The following CNTNAP2 variants were observed in gnomAD, a reference collection of about 807,000 sequenced individuals.
CNTNAP2 encodes the protein contactin-associated protein-like 2.
Under a neutral mutation model 155.2 loss-of-function variants are expected in CNTNAP2, and 98 were observed. The ratio of observed to expected loss-of-function variants is 0.63; its 90% CI spans 0.54 to 0.75. The LOEUF (loss-of-function observed/expected upper bound fraction) is 0.75. Ranked by LOEUF, CNTNAP2 falls within the 30% of genes least tolerant of loss-of-function variation. CNTNAP2 has a pLI of 0.00. For missense variants in CNTNAP2, 1,727 were observed against 1,688.1 expected (o/e 1.02, Z -0.40); for synonymous variants, 651 against 631.2 (o/e 1.03, Z -0.47).
Position 147,734,815 on chromosome 7 carries a change from T to C in CNTNAP2, c.2098+95509T>C, listed in dbSNP as rs544051242. Among the ~76,000 whole-genome samples, 212 of 152,358 alleles carry C rather than the reference T, an allele frequency of 1.4e-3. 1 individual carries two copies. The highest frequency in any genetic ancestry group is 4.8e-3 in the African/African-American group (200 of 41,588). Reference sequence around the variant, plus strand: ...TAGTTTGTTTGCATAGAGGTGTTTATAGTATTCTCTGATGGTAGTTTGTAT... The same window carrying C: ...TAGTTTGTTTGCATAGAGGTGTTTACAGTATTCTCTGATGGTAGTTTGTAT... On this transcript the variant is annotated intron_variant, in intron 13 of 23. Coordinates refer to ENST00000361727, the MANE Select transcript of CNTNAP2 (RefSeq NM_014141.6).
chr7:148,283,819 C>A (rs1330100928), intron 21 of CNTNAP2, among the ~76,000 whole-genome samples: 1 of 152,190 alleles, frequency 6.6e-6, no homozygotes, highest in African/African-American at 2.4e-5. Context: ...ATTGTGCTGG[C>A]AGCCATGAGC....
At chr7:147,172,714 A>G (rs550304299) in intron 8 of CNTNAP2, among the ~76,000 whole-genome samples, 1 of 152,140 alleles carries the variant, frequency 6.6e-6, no homozygotes, top group African/African-American at 2.4e-5. Flanking sequence ...TAAAAACAGA[A>G]TTAGAAAGAT....
intron 1 of CNTNAP2, among the ~76,000 whole-genome samples, chr7:146,404,869 G>C (rs1384685785): frequency 1.3e-5 from 2 of 151,980 alleles, no homozygotes; most frequent in Non-Finnish European, 2.9e-5. Flanking sequence ...CATTTCCTTT[G>C]AGCAGTCTTC....
intron 12 of CNTNAP2, among the ~76,000 whole-genome samples, chr7:147,617,261 A>G (rs763359907): frequency 1.3e-5 from 2 of 152,120 alleles, no homozygotes; most frequent in Non-Finnish European, 2.9e-5. Context: ...TGGATACACA[A>G]TATATCTCTG....
rs758731963 is a variant in CNTNAP2 at position 146,997,294 on chromosome 7, T to C, written c.403-46613T>C. Among the ~76,000 whole-genome samples, 3 of 152,184 alleles carry C rather than the reference T, an allele frequency of 2.0e-5. No homozygotes were observed. The East Asian group carries it at 5.8e-4, about 29-fold the overall frequency. On this transcript the variant is annotated intron_variant, in intron 3 of 23. Transcript: ENST00000361727. ...TTTATGATGAATGCATGTTAAATTTTGTAAAAAGGTTTCTTCTGCATCTAT... is the reference window on the plus strand; with the variant it reads ...TTTATGATGAATGCATGTTAAATTTCGTAAAAAGGTTTCTTCTGCATCTAT...
chr7:147,677,313 A>G (rs994960510), intron 13 of CNTNAP2, among the ~76,000 whole-genome samples: 1 of 151,828 alleles, frequency 6.6e-6, no homozygotes, highest in Non-Finnish European at 1.5e-5. Flanking sequence ...TCTTGTTTAG[A>G]GAAATTTAGA....
At chr7:147,531,050 CCCAGATCTGACAT>C (rs1799423020) in intron 11 of CNTNAP2, among the ~76,000 whole-genome samples, 1 of 152,138 alleles carries the variant, frequency 6.6e-6, no homozygotes, top group Non-Finnish European at 1.5e-5. Flanking sequence ...CTCCTTTGAC[CCCAGATCTGACAT>C]CCAGGTCACG....
chr7:148,108,788 G>A (rs1804280221), intron 15 of CNTNAP2, among the ~76,000 whole-genome samples: 1 of 152,152 alleles, frequency 6.6e-6, no homozygotes. Flanking sequence ...AATGTAGTTA[G>A]TAATAGAATA....
chr7:147,258,188 AAGTG>A (rs1353616656), intron 8 of CNTNAP2, among the ~76,000 whole-genome samples: 1 of 150,222 alleles, frequency 6.7e-6, no homozygotes, highest in Non-Finnish European at 1.5e-5. Context: ...ATTGGTTATT[AAGTG>A]AATTTGTTTT....
At chr7:146,815,485 A>G (rs1332692238) in intron 2 of CNTNAP2, among the ~76,000 whole-genome samples, 4 of 152,152 alleles carry the variant, frequency 2.6e-5, no homozygotes, top group Admixed American at 2.6e-4. Flanking sequence ...GAAACTTTAG[A>G]AATTGTGTGT....
chr7:146,586,674 T>C (rs966815714), intron 1 of CNTNAP2, among the ~76,000 whole-genome samples: 5 of 152,052 alleles, frequency 3.3e-5, no homozygotes, highest in Non-Finnish European at 5.9e-5. Context: ...TACAACAAAA[T>C]AGTAGACAGA....
At chr7:147,884,858 C>T (rs1347706876) in intron 13 of CNTNAP2, among the ~76,000 whole-genome samples, 3 of 151,884 alleles carry the variant, frequency 2.0e-5, no homozygotes, top group South Asian at 2.1e-4. Flanking sequence ...GGAGGAAGAC[C>T]GGGTAATGGA....
At chr7:147,237,886 ACACT>A (rs2069052719) in intron 8 of CNTNAP2, among the ~76,000 whole-genome samples, 1 of 152,272 alleles carries the variant, frequency 6.6e-6, no homozygotes, top group Non-Finnish European at 1.5e-5. Context: ...CAGGTTGTAA[ACACT>A]CACTTTAAAA....
intron 1 of CNTNAP2, among the ~76,000 whole-genome samples, chr7:146,587,690 G>A (rs1264922471): frequency 6.8e-6 from 1 of 147,616 alleles, no homozygotes; most frequent in Non-Finnish European, 1.5e-5. Context: ...ATTTTTTTTT[G>A]AGACGGAATT....
intron 3 of CNTNAP2, among the ~76,000 whole-genome samples, chr7:146,846,322 C>T (rs1803840239): frequency 9.5e-6 from 1 of 105,376 alleles, no homozygotes; most frequent in African/African-American, 3.7e-5. Flanking sequence ...AAATAAAACA[C>T]ATCAGAATAA....
At chr7:146,781,084 C>T (rs565748184) in intron 2 of CNTNAP2, among the ~76,000 whole-genome samples, 6 of 151,936 alleles carry the variant, frequency 3.9e-5, no homozygotes, top group African/African-American at 7.2e-5. Context: ...GAGAATTAGC[C>T]GGGCGTGGTG....
chr7:146,478,151 A>G (rs1477597642), intron 1 of CNTNAP2, among the ~76,000 whole-genome samples: 2 of 152,054 alleles, frequency 1.3e-5, no homozygotes, highest in Non-Finnish European at 2.9e-5. Flanking sequence ...TTCCTCATTC[A>G]TATCTCGTCA....
At chr7:147,956,180 G>A (rs1801013617) in intron 14 of CNTNAP2, among the ~76,000 whole-genome samples, 1 of 151,910 alleles carries the variant, frequency 6.6e-6, no homozygotes, top group South Asian at 2.1e-4. Flanking sequence ...ATAGAATTTG[G>A]TTACTGTTCC....
chr7:148,120,609 GTTTTCCAGGTC>G (rs1366813107), intron 16 of CNTNAP2, among the ~76,000 whole-genome samples: 1 of 152,176 alleles, frequency 6.6e-6, no homozygotes, highest in Admixed American at 6.5e-5. Flanking sequence ...TGTCTTCAGA[GTTTTCCAGGTC>G]TTTCCACAGT....
Sources: gnomAD v4.1 joint callset for allele counts (sites outside exome capture counted in the v4.1 genomes callset) on GRCh38, gnomAD v4.1.1 for gene constraint, MANE v1.5 for transcripts, NCBI Gene and HGNC (gene_info 2026-07-23, HGNC 2026-07-21) for gene names.